ENAH: variants seen among roughly 807,000 people sequenced by gnomAD.
The protein encoded by ENAH is protein enabled homolog.
In ENAH, 23 loss-of-function variants were observed where a neutral mutation model predicts 78.7. The observed-to-expected ratio is 0.29, with a 90% CI of 0.21 to 0.41. ENAH has a LOEUF of 0.41. Among genes scored for constraint, ENAH ranks in the 10% least tolerant of loss-of-function variants. The pLI is 1.00. For missense variants in ENAH, 544 were observed against 691.0 expected (o/e 0.79, Z 2.39); for synonymous variants, 226 against 241.0 (o/e 0.94, Z 0.58).
chr1:225,547,968 G>A (rs995669506), intron 3 of ENAH, among the ~76,000 whole-genome samples: 14 of 152,106 alleles, frequency 9.2e-5, no homozygotes, highest in Non-Finnish European at 1.6e-4. Flanking sequence ...GTGTGTTATG[G>A]TTGTGCCTTA....
At chr1:225,652,264 C>T (rs1369251780) in intron 1 of ENAH, 1 of 893,686 alleles carries the variant, frequency 1.1e-6, no homozygotes, top group Non-Finnish European at 1.3e-6. Flanking sequence ...TAATTAAACA[C>T]GAGAGTTCGG....
chr1:225,636,782 C>T (rs1660131489), intron 1 of ENAH, among the ~76,000 whole-genome samples: 1 of 151,976 alleles, frequency 6.6e-6, no homozygotes, highest in Admixed American at 6.6e-5. Context: ...CTCATTGAAC[C>T]CAGCATGATA....
At chr1:225,510,033 A>G (rs1399348854) in intron 10 of ENAH, among the ~76,000 whole-genome samples, 1 of 152,232 alleles carries the variant, frequency 6.6e-6, no homozygotes, top group African/African-American at 2.4e-5. Context: ...GTGGTTGTAA[A>G]AAGGTTAACT....
At chr1:225,499,586 C>T (rs531136906) in intron 12 of ENAH, among the ~76,000 whole-genome samples, 1 of 152,044 alleles carries the variant, frequency 6.6e-6, no homozygotes, top group Non-Finnish European at 1.5e-5. Context: ...GCAGGAGAAT[C>T]GCTTGAACCC....
chr1:225,611,359 C>T lies in ENAH; in HGVS notation c.5+41327G>A, dbSNP rs948463216. ...ATTGAGACAGAGTCTTGCTCTGTTG[C>T]CCAGGCTGGGGTGCAGTGGCGCGAT... is the stretch of plus-strand genomic sequence containing the variant. On this transcript the variant is annotated intron_variant, in intron 1 of 13. Transcript: ENST00000366843. 5.9e-5 allele frequency among the ~76,000 whole-genome samples: 9 copies of T among 152,156 alleles called. No individual in the cohort carries two copies. In the East Asian group the frequency reaches 1.4e-3, roughly 23 times the overall value.
At chr1:225,580,225 C>T (rs1285859486) in intron 1 of ENAH, 1 of 151,922 alleles carries the variant, frequency 6.6e-6, no homozygotes, top group African/African-American at 2.4e-5. Context: ...AATGTCACTT[C>T]CAAGGTTAAT....
chr1:225,501,802 C>T (rs1182234406), intron 11 of ENAH, among the ~76,000 whole-genome samples: 1 of 152,096 alleles, frequency 6.6e-6, no homozygotes, highest in Non-Finnish European at 1.5e-5. Flanking sequence ...TATTATTGCA[C>T]TTTCAAAAGT....
intron 1 of ENAH, among the ~76,000 whole-genome samples, chr1:225,651,340 A>G (rs1662962575): frequency 6.6e-6 from 1 of 152,152 alleles, no homozygotes; most frequent in Non-Finnish European, 1.5e-5. Context: ...AATTCAACAA[A>G]GATATATCAC....
chr1:225,540,430 C>T (rs530310850), intron 3 of ENAH, among the ~76,000 whole-genome samples: 1 of 152,124 alleles, frequency 6.6e-6, no homozygotes, highest in South Asian at 2.1e-4. Context: ...TTTTCTCCCA[C>T]TTTTATAGGA....
intron 1 of ENAH, among the ~76,000 whole-genome samples, chr1:225,589,076 C>T (rs1200153461): frequency 6.6e-6 from 1 of 151,904 alleles, no homozygotes; most frequent in Non-Finnish European, 1.5e-5. Flanking sequence ...ATATATTTTA[C>T]GGTTCCTAGA....
At chr1:225,619,205 CCT>C (rs1656356995) in intron 1 of ENAH, among the ~76,000 whole-genome samples, 1 of 152,008 alleles carries the variant, frequency 6.6e-6, no homozygotes, top group Non-Finnish European at 1.5e-5. Flanking sequence ...TGTGATAAAT[CCT>C]GTTAAAAACC....
chr1:225,550,063 G>A (rs1182728630), intron 3 of ENAH, among the ~76,000 whole-genome samples: 5 of 152,024 alleles, frequency 3.3e-5, no homozygotes, highest in Non-Finnish European at 5.9e-5. Context: ...TTATCTCTTG[G>A]GATGCCCTGC....
chr1:225,521,047 C>T (rs996911803), intron 4 of ENAH, among the ~76,000 whole-genome samples: 4 of 151,240 alleles, frequency 2.6e-5, no homozygotes, highest in South Asian at 4.2e-4. Flanking sequence ...GATGGACACA[C>T]GCACGCGCGC....
chr1:225,625,904 T>C (rs992996840), intron 1 of ENAH, among the ~76,000 whole-genome samples: 6 of 152,176 alleles, frequency 3.9e-5, no homozygotes, highest in Non-Finnish European at 8.8e-5. Context: ...CATTCCTTCT[T>C]CCATTTTAGA....
At chr1:225,622,765 T>C (rs1657223681) in intron 1 of ENAH, among the ~76,000 whole-genome samples, 2 of 152,096 alleles carry the variant, frequency 1.3e-5, no homozygotes. Flanking sequence ...CTTGGGAGCA[T>C]ACACATATTC....
intron 1 of ENAH, chr1:225,581,303 C>T: frequency 1.0e-6 from 1 of 984,608 alleles, no homozygotes; most frequent in Non-Finnish European, 1.2e-6. Context: ...AGTTATATGG[C>T]AAAGCCTCTC....
At chr1:225,607,280 C>A (rs1412594723) in intron 1 of ENAH, among the ~76,000 whole-genome samples, 1 of 152,138 alleles carries the variant, frequency 6.6e-6, no homozygotes, top group Admixed American at 6.5e-5. Context: ...AGAAAGTTTA[C>A]GAATTTGTGT....
At position 225,489,975 on chromosome 1, in the gene ENAH, A is replaced by T. The variant is rs187326341; in HGVS notation, c.*7800T>A. On this transcript the variant is annotated 3_prime_UTR_variant, in exon 14 of 14. Coordinates refer to ENST00000366843, the MANE Select transcript of ENAH (RefSeq NM_018212.6). ...ATAATAATAATAACAATAATAATAA[A>T]AAGCTTTATCTATCCTTGCTTGTAT... 3.9e-5 allele frequency: 6 copies of T among 152,208 alleles called. No individual in the cohort carries two copies. Among genetic ancestry groups the T allele is most frequent in the African/African-American group, 1.2e-4 (5 of 41,524 alleles). 9.4% of individuals were successfully genotyped at this position (152,208 alleles called of 1,614,324 possible).
intron 1 of ENAH, among the ~76,000 whole-genome samples, chr1:225,569,833 G>C (rs1484499432): frequency 6.6e-6 from 1 of 152,174 alleles, no homozygotes; most frequent in Non-Finnish European, 1.5e-5. Context: ...TGTTATTGGA[G>C]AGGTAGTAAT....
Sources: gnomAD v4.1 joint callset for allele counts (sites outside exome capture counted in the v4.1 genomes callset) on GRCh38, gnomAD v4.1.1 for gene constraint, MANE v1.5 for transcripts, NCBI Gene and HGNC (gene_info 2026-07-23, HGNC 2026-07-21) for gene names.